Variants in RGS7BP observed in about 807,000 individuals in gnomAD.
RGS7BP encodes the protein regulator of G protein signaling 7-binding protein.
In RGS7BP, 9 loss-of-function variants were observed where a neutral mutation model predicts 31.3. The ratio of observed to expected loss-of-function variants is 0.29; its 90% CI spans 0.17 to 0.50. The LOEUF (loss-of-function observed/expected upper bound fraction) is 0.50, where lower values mean the gene tolerates loss of function less well. Ranked by LOEUF, RGS7BP falls within the 20% of genes least tolerant of loss-of-function variation. RGS7BP has a pLI of 0.98. For missense variants in RGS7BP, 274 were observed against 322.0 expected, an observed-to-expected ratio of 0.85 and a Z score of 1.14; for synonymous variants, 115 against 120.1, an observed-to-expected ratio of 0.96 and a Z score of 0.28.
intron 2 of RGS7BP, among the ~76,000 whole-genome samples, chr5:64,552,316 GATT>G (rs1299668962): frequency 1.3e-5 from 2 of 151,902 alleles, no homozygotes; most frequent in African/African-American, 4.8e-5. Flanking sequence ...TCCCAATTCT[GATT>G]ATTTTTTCCA....
chr5:64,575,017 A>C (rs1482927664), intron 2 of RGS7BP, among the ~76,000 whole-genome samples: 1 of 152,098 alleles, frequency 6.6e-6, no homozygotes, highest in African/African-American at 2.4e-5. Flanking sequence ...ATAAAGTATT[A>C]TTTTATCAAC....
At chr5:64,573,969 G>A (rs1031021642) in intron 2 of RGS7BP, among the ~76,000 whole-genome samples, 1 of 151,974 alleles carries the variant, frequency 6.6e-6, no homozygotes, top group Non-Finnish European at 1.5e-5. Flanking sequence ...ATCTGCCTAT[G>A]AGCCACCAGG....
At chr5:64,557,302 G>T (rs1182727558) in intron 2 of RGS7BP, among the ~76,000 whole-genome samples, 1 of 152,098 alleles carries the variant, frequency 6.6e-6, no homozygotes, top group Non-Finnish European at 1.5e-5. Flanking sequence ...TTGTCCTGAT[G>T]GGTCCTTTCC....
chr5:64,529,197 AG>A (rs1261350706), intron 2 of RGS7BP, among the ~76,000 whole-genome samples: 13 of 152,356 alleles, frequency 8.5e-5, no homozygotes, highest in African/African-American at 3.1e-4. Context: ...AAATAGTCCA[AG>A]GTCTGACACC....
intron 2 of RGS7BP, among the ~76,000 whole-genome samples, chr5:64,571,454 C>T (rs1385238623): frequency 2.6e-5 from 4 of 152,052 alleles, no homozygotes; most frequent in Non-Finnish European, 5.9e-5. Flanking sequence ...GAATCCAGGT[C>T]ATAGGATGGG....
chr5:64,590,186 A>T (rs925597845), intron 3 of RGS7BP, among the ~76,000 whole-genome samples: 4 of 152,090 alleles, frequency 2.6e-5, no homozygotes, highest in African/African-American at 9.7e-5. Flanking sequence ...TAGTTTGAAC[A>T]TGAATTTATA....
chr5:64,521,649 C>T (rs990954511), intron 2 of RGS7BP, among the ~76,000 whole-genome samples: 7 of 152,120 alleles, frequency 4.6e-5, no homozygotes, highest in Non-Finnish European at 8.8e-5. Context: ...CATGAACAGT[C>T]CTATTTATCT....
Position 64,507,895 on chromosome 5 carries a change from A to G in RGS7BP, c.332+18A>G. 2 of 1,606,100 alleles carry G rather than the reference A, an allele frequency of 1.2e-6. No homozygotes were observed. Among genetic ancestry groups the G allele is most frequent in the Middle Eastern group, 1.7e-4 (1 of 6,010 alleles). ...ATCTCAGGGTAGGAGACTCGGCATT[A>G]TTTGGTAATCCATATACATGATGCA... On this transcript the variant is annotated intron_variant, in intron 2 of 5. Coordinates refer to ENST00000334025, the MANE Select transcript of RGS7BP (RefSeq NM_001029875.3).
At chr5:64,514,143 TG>T (rs559648636) in intron 2 of RGS7BP, among the ~76,000 whole-genome samples, 99 of 152,306 alleles carry the variant, frequency 6.5e-4, no homozygotes, top group African/African-American at 2.1e-3. Flanking sequence ...GCCTTTTCCT[TG>T]TGTGTGCATC....
intron 3 of RGS7BP, among the ~76,000 whole-genome samples, chr5:64,589,405 TA>T (rs1443479093): frequency 6.6e-6 from 1 of 152,108 alleles, no homozygotes; most frequent in East Asian, 1.9e-4. Context: ...GCATCATGAA[TA>T]AGACAAACTG....
chr5:64,547,018 G>A (rs1741675237), intron 2 of RGS7BP, among the ~76,000 whole-genome samples: 1 of 152,158 alleles, frequency 6.6e-6, no homozygotes, highest in African/African-American at 2.4e-5. Context: ...TAAACTTCAT[G>A]TAAAAGAAAT....
At chr5:64,532,771 C>G (rs920729970) in intron 2 of RGS7BP, among the ~76,000 whole-genome samples, 5 of 152,028 alleles carry the variant, frequency 3.3e-5, no homozygotes, top group Admixed American at 6.6e-5. Flanking sequence ...GTTGCCCCCA[C>G]ACACCCCCAA....
intron 2 of RGS7BP, among the ~76,000 whole-genome samples, chr5:64,556,921 G>A (rs1212870350): frequency 6.6e-6 from 1 of 152,078 alleles, no homozygotes; most frequent in Non-Finnish European, 1.5e-5. Flanking sequence ...TAGACAACAT[G>A]TTTAAATTGT....
intron 1 of RGS7BP, 150 bp from the exon 2 acceptor site, chr5:64,507,561 T>C: frequency 1.6e-6 from 1 of 622,426 alleles, no homozygotes; most frequent in Non-Finnish European, 2.6e-6. Flanking sequence ...TTTTGGTGCC[T>C]TCTGCTTTAA....
chr5:64,542,097 A>G (rs1165761578), intron 2 of RGS7BP, among the ~76,000 whole-genome samples: 3 of 152,188 alleles, frequency 2.0e-5, no homozygotes, highest in African/African-American at 7.2e-5. Flanking sequence ...GACATGCTGC[A>G]TTTGCCATCT....
intron 2 of RGS7BP, among the ~76,000 whole-genome samples, chr5:64,517,217 G>A (rs746935412): frequency 7.2e-5 from 11 of 152,070 alleles, no homozygotes; most frequent in Non-Finnish European, 1.5e-4. Flanking sequence ...AGGTCAAAAG[G>A]CCACCATGTC....
At chr5:64,567,077 TGGA>T (rs1742188647) in intron 2 of RGS7BP, among the ~76,000 whole-genome samples, 1 of 151,816 alleles carries the variant, frequency 6.6e-6, no homozygotes, top group Non-Finnish European at 1.5e-5. Flanking sequence ...CTCCCCTGGG[TGGA>T]GATTTGAGAT....
At chr5:64,576,352 T>C (rs1221901118) in intron 3 of RGS7BP, among the ~76,000 whole-genome samples, 1 of 152,232 alleles carries the variant, frequency 6.6e-6, no homozygotes, top group Non-Finnish European at 1.5e-5. Context: ...AACCTCATTC[T>C]CTGGCTTAAA....
intron 2 of RGS7BP, among the ~76,000 whole-genome samples, chr5:64,527,347 G>C (rs1749255415): frequency 6.6e-6 from 1 of 152,168 alleles, no homozygotes; most frequent in Non-Finnish European, 1.5e-5. Flanking sequence ...AGAATGTCTG[G>C]AGGTGAAGCG....
Sources: gnomAD v4.1 joint callset for allele counts (sites outside exome capture counted in the v4.1 genomes callset) on GRCh38, gnomAD v4.1.1 for gene constraint, MANE v1.5 for transcripts, NCBI Gene and HGNC (gene_info 2026-07-23, HGNC 2026-07-21) for gene names.